KANTR: variants seen among roughly 807,000 people sequenced by gnomAD.
The protein encoded by KANTR is KANTR integral membrane protein.
intron 2 of KANTR, among the ~76,000 whole-genome samples, chrX:53,139,663 A>AT (rs1426617323): frequency 9.0e-6 from 1 of 111,042 alleles, no homozygotes; most frequent in African/African-American, 3.3e-5. Context: ...AGAAAAAATA[A>AT]TTTTTTTTTA....
intron 2 of KANTR, among the ~76,000 whole-genome samples, chrX:53,103,670 C>G (rs1259790958): frequency 8.9e-6 from 1 of 111,818 alleles, no homozygotes; most frequent in East Asian, 2.8e-4. Context: ...TCCTACTTCT[C>G]TCCTGAAATC....
chrX:53,098,130 A>G (rs183108771), intron 1 of KANTR, among the ~76,000 whole-genome samples: 1 of 110,421 alleles, frequency 9.1e-6, no homozygotes, highest in Admixed American at 9.7e-5. Flanking sequence ...TAACATTGAT[A>G]CATACAGGCA....
downstream of KANTR, among the ~76,000 whole-genome samples, chrX:53,147,316 T>TCCCTG (rs1933590846): frequency 9.0e-6 from 1 of 111,256 alleles, no homozygotes; most frequent in Non-Finnish European, 1.9e-5. Context: ...GGGGTTGCAA[T>TCCCTG]CCTAGTCTCA....
exon 3 of KANTR, chrX:53,123,787 A>G (rs1556815835): frequency 8.9e-6 from 1 of 111,928 alleles, no homozygotes; most frequent in Non-Finnish European, 1.9e-5. Context: ...CAAGTAATAG[A>G]GCACCTTCTT....
chrX:53,116,630 CGTA>C (rs1298244054), intron 2 of KANTR, among the ~76,000 whole-genome samples: 3 of 111,377 alleles, frequency 2.7e-5, no homozygotes, highest in Non-Finnish European at 3.8e-5. Context: ...AGTGAAATGT[CGTA>C]GACCTCACTG....
downstream of KANTR, among the ~76,000 whole-genome samples, chrX:53,128,147 ACT>A (rs1372133519): frequency 2.7e-5 from 3 of 110,816 alleles, no homozygotes; most frequent in Admixed American, 1.9e-4. Flanking sequence ...TGTGTGACCT[ACT>A]CTCCTGTTTT....
At chrX:53,102,487 A>G (rs1488475969) in intron 2 of KANTR, among the ~76,000 whole-genome samples, 1 of 112,145 alleles carries the variant, frequency 8.9e-6, no homozygotes, top group Admixed American at 9.5e-5. Flanking sequence ...TATTCAAGTT[A>G]TGTAATTTTG....
At chrX:53,121,073 A>G (rs1933212610) in intron 2 of KANTR, among the ~76,000 whole-genome samples, 1 of 110,020 alleles carries the variant, frequency 9.1e-6, no homozygotes, top group Admixed American at 9.7e-5. Flanking sequence ...ATCTCGGCTC[A>G]CTGCCACCCC....
downstream of KANTR, chrX:53,142,926 C>T: frequency 1.4e-6 from 1 of 707,367 alleles, no homozygotes; most frequent in South Asian, 2.2e-5. Context: ...CACCAATCCA[C>T]ACCGAGTACT....
At chrX:53,126,293 A>C (rs1556816200) in exon 3 of KANTR, 1 of 109,764 alleles carries the variant, frequency 9.1e-6, no homozygotes, top group African/African-American at 3.3e-5. Context: ...ATTGCCTTTC[A>C]TTTTTTCTAG....
At chrX:53,116,065 G>A (rs1272012765) in intron 2 of KANTR, among the ~76,000 whole-genome samples, 1 of 111,673 alleles carries the variant, frequency 9.0e-6, no homozygotes, top group Non-Finnish European at 1.9e-5. Flanking sequence ...CTCATTTTGT[G>A]GATTTGGTCT....
chrX:53,112,014 G>A (rs1933049749), intron 2 of KANTR, among the ~76,000 whole-genome samples: 1 of 110,216 alleles, frequency 9.1e-6, no homozygotes, highest in Non-Finnish European at 1.9e-5. Context: ...AACAGGTGGT[G>A]GTTGGTTACA....
chrX:53,108,152 G>A (rs1932977845), intron 2 of KANTR, among the ~76,000 whole-genome samples: 1 of 106,404 alleles, frequency 9.4e-6, no homozygotes, highest in South Asian at 4.1e-4. Flanking sequence ...GCCTCCCAAA[G>A]TGCTAGGATT....
downstream of KANTR, chrX:53,142,728 C>A: frequency 7.1e-6 from 3 of 420,302 alleles, no homozygotes; most frequent in South Asian, 8.0e-5. Flanking sequence ...TGCTGCACAT[C>A]TGCTCGCAGT....
intron 2 of KANTR, among the ~76,000 whole-genome samples, chrX:53,119,537 T>C (rs1933185631): frequency 9.0e-6 from 1 of 111,592 alleles, no homozygotes; most frequent in African/African-American, 3.3e-5. Context: ...CAACATTCCA[T>C]ATCCATATAG....
At chrX:53,107,188 C>CTTTT (rs1273564112) in intron 2 of KANTR, among the ~76,000 whole-genome samples, 1 of 96,268 alleles carries the variant, frequency 1.0e-5, no homozygotes, top group African/African-American at 3.9e-5. Context: ...CAATTTCTTT[C>CTTTT]TTTTTTTTTT....
intron 2 of KANTR, among the ~76,000 whole-genome samples, chrX:53,119,356 A>G (rs900003574): frequency 1.8e-5 from 2 of 111,930 alleles, no homozygotes; most frequent in Non-Finnish European, 3.8e-5. Flanking sequence ...TCTCTAACCT[A>G]TAGTTATAAA....
chrX:53,135,328 G>A lies in KANTR; in HGVS notation n.204-6520G>A, dbSNP rs898358840. 5.4e-5 allele frequency among the ~76,000 whole-genome samples: 6 copies of A among 111,652 alleles called. No homozygotes were observed. The East Asian group carries it at 1.7e-3, about 31-fold the overall frequency. On this transcript the variant is annotated intron_variant and non_coding_transcript_variant, in intron 2 of 2. Transcript: ENST00000366185. ...GCCATCCTTAGACTAGAAAAGAATC[G>A]TGGGGGTTATATTGAGTCTGCTTGG...
downstream of KANTR, among the ~76,000 whole-genome samples, chrX:53,129,962 G>T (rs782338386): frequency 1.3e-4 from 14 of 109,557 alleles, no homozygotes; most frequent in South Asian, 5.6e-3. Flanking sequence ...CGCCTCCTGG[G>T]TTTAAGTGAT....
Sources: allele counts gnomAD v4.1 joint callset (sites outside exome capture counted in the v4.1 genomes callset), GRCh38; gene constraint gnomAD v4.1.1; transcripts MANE v1.5; gene names NCBI Gene and HGNC (gene_info 2026-07-23, HGNC 2026-07-21).